The following VPS26B variants were observed in gnomAD, a reference collection of about 807,000 sequenced individuals.
The protein encoded by VPS26B is vacuolar protein sorting-associated protein 26B.
A neutral mutation model predicts 33.3 loss-of-function variants in VPS26B; 10 were observed. That is an observed-to-expected ratio of 0.30 (90% CI 0.19 to 0.51). VPS26B has a LOEUF of 0.51. Ranked by LOEUF, VPS26B falls within the 20% of genes least tolerant of loss-of-function variation. The pLI is 0.98. For missense variants in VPS26B, 317 were observed against 452.7 expected (o/e 0.70, Z 2.72); for synonymous variants, 190 against 176.9 (o/e 1.07, Z -0.59).
chr11:134,225,341 G>C lies in VPS26B; in HGVS notation c.219G>C (p.Gln73His). ...GCATCAAGATCGAGTTCATCGGGCA[G>C]ATCGGTGAGTCGACCCCCGGGACCC... ...HQGIKIEFIG[Q>H]IELYYDRGNH... The change falls in exon 1 of 6, where the codon CAG becomes CAC. Residue 73 changes from glutamine (Q) to histidine (H), a missense_variant. By Grantham distance (24) the Gln-to-His change is conservative. Transcript: ENST00000281187. 1 of 1,613,692 alleles carries C rather than the reference G, an allele frequency of 6.2e-7. No homozygotes were observed. Among genetic ancestry groups the C allele is most frequent in the Non-Finnish European group, 8.5e-7 (1 of 1,179,832 alleles).
At position 134,244,914 on chromosome 11, in the gene VPS26B, C is replaced by T; in HGVS notation, c.722-24C>T. On this transcript the variant is annotated intron_variant, in intron 4 of 5. Transcript: ENST00000281187. This position sits in a 1 kb window ranked among gnomAD's most constrained non-coding sequence, Gnocchi z 4.0. ...AGAGGGCATCACCTTGCCCCCTGTGCTGACTCCTGCCCTCCCCCTACAGGA... is the reference window on the plus strand; with the variant it reads ...AGAGGGCATCACCTTGCCCCCTGTGTTGACTCCTGCCCTCCCCCTACAGGA... The T allele has an allele frequency of 6.2e-7, 1 of 1,607,938 alleles. No individual in the cohort carries two copies.
In VPS26B at chr11:134,245,336, G is replaced by A. The variant is rs1938793184; in HGVS notation, c.865-108G>A. 6.6e-7 allele frequency: 1 copy of A among 1,504,848 alleles called. No homozygotes were observed. The highest frequency in any genetic ancestry group is 1.4e-5 in the African/African-American group (1 of 72,854). 93.2% of individuals were successfully genotyped at this position (1,504,848 alleles called of 1,614,324 possible). On this transcript the variant is annotated intron_variant, in intron 5 of 5. Transcript: ENST00000281187. This position sits in a 1 kb window ranked among gnomAD's most constrained non-coding sequence, Gnocchi z 4.7. ...TGCTGCCTTTGGTGAGAGAGAAGCA[G>A]AGGAGGTCCTTGCCCGAGATTCCCC...
chr11:134,226,377 G>A (rs967009971), intron 1 of VPS26B, among the ~76,000 whole-genome samples: 4 of 152,128 alleles, frequency 2.6e-5, no homozygotes, highest in African/African-American at 9.7e-5. Context: ...CAGCACTCCA[G>A]CCTGGGTGAC....
At chr11:134,236,179 GAAAA>G (rs530613613) in intron 2 of VPS26B, among the ~76,000 whole-genome samples, 1,695 of 151,348 alleles carry the variant, frequency 0.011, 34 homozygotes, top group African/African-American at 0.039. Flanking sequence ...TTTTTTAAAA[GAAAA>G]AAAACAAATC....
chr11:134,245,081 G>GT lies in VPS26B; in HGVS notation c.864+2dup, dbSNP rs775600556. On this transcript the variant is annotated splice_donor_variant, in intron 5 of 5. Coordinates refer to ENST00000281187, the MANE Select transcript of VPS26B (RefSeq NM_052875.5). LOFTEE classifies it high-confidence loss of function. The surrounding 1 kb of genome is among the most constrained non-coding windows in gnomAD (Gnocchi z 4.7). ...GGAGCGGCGCTACTTCAAGCAGCAGGTGAGGGCCAGGCTCCTCCAGGCCCC... is the reference window on the plus strand; with the variant it reads ...GGAGCGGCGCTACTTCAAGCAGCAGGTTGAGGGCCAGGCTCCTCCAGGCCCC... 3 of 1,613,926 alleles carry GT rather than the reference G, an allele frequency of 1.9e-6. No homozygotes were observed. The highest frequency in any genetic ancestry group is 2.5e-6 in the Non-Finnish European group (3 of 1,179,988).
At position 134,245,713 on chromosome 11, in the gene VPS26B, A is replaced by G; in HGVS notation, c.*123A>G. 1 of 1,279,570 alleles carries G rather than the reference A, an allele frequency of 7.8e-7. No individual in the cohort carries two copies. Among genetic ancestry groups the G allele is most frequent in the Non-Finnish European group, 1.0e-6 (1 of 953,956 alleles). 79.3% of individuals were successfully genotyped at this position (1,279,570 alleles called of 1,614,324 possible). On this transcript the variant is annotated 3_prime_UTR_variant, in exon 6 of 6. Transcript: ENST00000281187. This position sits in a 1 kb window ranked among gnomAD's most constrained non-coding sequence, Gnocchi z 4.7. ...ACCCGTTACTTGCAACCTGAAAACA[A>G]ATCATGTTTTTGACTTAAATTCTTT...
rs1365876830 is a variant in VPS26B, at chr11:134,225,050, C to T, written c.-73C>T. The T allele has an allele frequency of 6.9e-7, 1 of 1,451,892 alleles. No individual in the cohort carries two copies. Among genetic ancestry groups the T allele is most frequent in the African/African-American group, 1.4e-5 (1 of 70,574 alleles). The allele number at this position is 1,451,892 out of a possible 1,614,324, so 89.9% of individuals were successfully genotyped here. ...CTCGCGCATCGGGCCCTCTGGCCTT[C>T]TTTACCTAGGGCAGCCCGCGCCCCG... On this transcript the variant is annotated 5_prime_UTR_variant, in exon 1 of 6. Transcript: ENST00000281187.
intron 1 of VPS26B, among the ~76,000 whole-genome samples, chr11:134,231,391 G>A (rs1938553044): frequency 6.6e-6 from 1 of 152,234 alleles, no homozygotes; most frequent in African/African-American, 2.4e-5. Flanking sequence ...ACAAGCTGCT[G>A]GTGGGACTGG....
At position 134,247,246 on chromosome 11, in the gene VPS26B, C is replaced by G. The variant is rs1178341882; in HGVS notation, c.*1656C>G. 1 of 152,142 alleles carries G rather than the reference C, an allele frequency of 6.6e-6. No homozygotes were observed. The highest frequency in any genetic ancestry group is 1.5e-5 in the Non-Finnish European group (1 of 68,042). The allele number at this position is 152,142 out of a possible 1,614,324, so 9.4% of individuals were successfully genotyped here. ...TGGGAACAGGATCACCCATGCGCTG[C>G]CCTTGATGATCAAGGTTGGGGCTTA... is the stretch of plus-strand genomic sequence containing the variant. On this transcript the variant is annotated 3_prime_UTR_variant, in exon 6 of 6. Coordinates refer to ENST00000281187, the MANE Select transcript of VPS26B (RefSeq NM_052875.5).
chr11:134,245,257 C>T lies in VPS26B; in HGVS notation c.864+177C>T, dbSNP rs1246722616. The stretch of plus-strand genomic sequence containing the variant: ...TAGAGTCTGCTTCCTCGGGCCTTCT[C>T]CTGCAACCACCTGCCCTTTTGGCCC... On this transcript the variant is annotated intron_variant, in intron 5 of 5. Coordinates refer to ENST00000281187, the MANE Select transcript of VPS26B (RefSeq NM_052875.5). The surrounding 1 kb of genome is among the most constrained non-coding windows in gnomAD (Gnocchi z 4.7). Among the ~76,000 whole-genome samples the T allele has an allele frequency of 6.6e-6, 1 of 152,204 alleles. No individual in the cohort carries two copies. Among genetic ancestry groups the T allele is most frequent in the Non-Finnish European group, 1.5e-5 (1 of 68,036 alleles).
rs747468696 is a variant in VPS26B, at chr11:134,246,641, A to G, written c.*1051A>G. 1.3e-5 allele frequency: 2 copies of G among 152,480 alleles called. No individual in the cohort carries two copies. The highest frequency in any genetic ancestry group is 2.9e-5 in the Non-Finnish European group (2 of 68,040). The allele number at this position is 152,480 out of a possible 1,614,324, so 9.4% of individuals were successfully genotyped here. ...ACACAGGGGAGACCAGGGCCTCGGC[A>G]GAAGACTGCTGCCACACTTCCGAAT... On this transcript the variant is annotated 3_prime_UTR_variant, in exon 6 of 6. Coordinates refer to ENST00000281187, the MANE Select transcript of VPS26B (RefSeq NM_052875.5).
intron 2 of VPS26B, 76 bp downstream of exon 2, chr11:134,235,129 C>CT: frequency 6.6e-7 from 1 of 1,518,194 alleles, no homozygotes; most frequent in Admixed American, 2.0e-5. Flanking sequence ...GCCGTCCCCA[C>CT]TTTGAGAATC....
At chr11:134,238,681 C>T (rs528772818) in intron 2 of VPS26B, among the ~76,000 whole-genome samples, 4 of 152,240 alleles carry the variant, frequency 2.6e-5, no homozygotes, top group Admixed American at 2.6e-4. Flanking sequence ...CCGCAAGCTC[C>T]GCCTCCTGGG....
chr11:134,235,073 T>C lies in VPS26B; in HGVS notation c.380+20T>C. 6.2e-7 allele frequency: 1 copy of C among 1,610,836 alleles called. No individual in the cohort carries two copies. Among genetic ancestry groups the C allele is most frequent in the Non-Finnish European group, 8.5e-7 (1 of 1,178,200 alleles). ...GCTACGGTAAGTGATGTCTGCTGGT[T>C]CCCCACTGTACCCTAGAACCTGCCC... On this transcript the variant is annotated intron_variant, in intron 2 of 5. Coordinates refer to ENST00000281187, the MANE Select transcript of VPS26B (RefSeq NM_052875.5).
Position 134,243,153 on chromosome 11 carries a change from T to C in VPS26B, c.580T>C (p.Tyr194His). The C allele has an allele frequency of 6.2e-7, 1 of 1,614,232 alleles. No individual in the cohort carries two copies. The highest frequency in any genetic ancestry group is 8.5e-7 in the Non-Finnish European group (1 of 1,180,046). ...GAAAGATGTCATTGTAGGGAAGATA[T>C]ACTTCCTGCTGGTGAGAATCAAAAT... ...HLKDVIVGKIYFLLVRIKIKH... is the reference protein window; with the variant it reads ...HLKDVIVGKIHFLLVRIKIKH... Residue 194 changes from tyrosine (Y) to histidine (H), a missense_variant, in exon 4 of 6, where the codon TAC becomes CAC. Transcript: ENST00000281187.
chr11:134,241,073 C>A (rs1938718046), intron 3 of VPS26B, among the ~76,000 whole-genome samples: 1 of 152,170 alleles, frequency 6.6e-6, no homozygotes, highest in South Asian at 2.1e-4. Flanking sequence ...AATCACAAAA[C>A]TTTCTGACAG....
intron 2 of VPS26B, among the ~76,000 whole-genome samples, chr11:134,236,187 A>AG (rs1188942998): frequency 6.6e-6 from 1 of 152,152 alleles, no homozygotes; most frequent in African/African-American, 2.4e-5. Context: ...AAGAAAAAAA[A>AG]CAAATCTTTG....
rs1402383694 is a variant in VPS26B, at chr11:134,225,527, C to T, written c.223+182C>T. ...TCCCCCTGCGTTACTGTCCTCCCTG[C>T]CAAAAGTGACAGCGCGCTGCCAGGG... On this transcript the variant is annotated intron_variant, in intron 1 of 5. Transcript: ENST00000281187. The T allele has an allele frequency of 7.7e-6, 5 of 650,036 alleles. No individual in the cohort carries two copies. In the Admixed American group the frequency reaches 1.3e-4, roughly 17 times the overall value. The allele number at this position is 650,036 out of a possible 1,614,324, so 40.3% of individuals were successfully genotyped here. A position where few individuals can be genotyped will look rare whatever the true frequency, so the allele number is the denominator to read the frequency against.
chr11:134,245,565 T>A lies in VPS26B; in HGVS notation c.986T>A (p.Leu329Gln). The change falls in exon 6 of 6, where the codon CTG (leucine) becomes CAG (glutamine). Residue 329 changes from leucine to glutamine, a missense_variant. By Grantham distance (113) the Leu-to-Gln change is moderately radical. Transcript: ENST00000281187. The surrounding 1 kb of genome is among the most constrained non-coding windows in gnomAD (Gnocchi z 4.7). ...SLGEVRTPSQ[L>Q]SDNNCRQ is the part of the protein sequence containing the mutation. The stretch of plus-strand genomic sequence containing the variant: ...GGTGAGGTGCGGACCCCCAGCCAGC[T>A]GTCTGACAACAACTGCAGGCAGTAG... The A allele has an allele frequency of 6.2e-7, 1 of 1,612,280 alleles. No individual in the cohort carries two copies. Among genetic ancestry groups the A allele is most frequent in the Non-Finnish European group, 8.5e-7 (1 of 1,179,828 alleles).
Sources: allele counts gnomAD v4.1 joint callset (sites outside exome capture counted in the v4.1 genomes callset), GRCh38; gene constraint gnomAD v4.1.1; non-coding constraint Gnocchi (gnomAD v3.1); transcripts MANE v1.5; gene names NCBI Gene and HGNC (gene_info 2026-07-23, HGNC 2026-07-21).